KDELR3: variants seen among roughly 807,000 people sequenced by gnomAD.
KDELR3 encodes the protein ER lumen protein-retaining receptor 3.
A neutral mutation model predicts 22.7 loss-of-function variants in KDELR3; 26 were observed. The ratio of observed to expected loss-of-function variants is 1.15; its 90% confidence interval spans 0.84 to 1.59. The LOEUF is 1.59. KDELR3 is among the 40% of genes most tolerant of loss of function. The pLI, the probability that KDELR3 is intolerant of heterozygous loss-of-function variation, is 0.00. For missense variants in KDELR3, 289 were observed against 251.1 expected (o/e 1.15, Z -1.02); for synonymous variants, 120 against 98.2 (o/e 1.22, Z -1.31).
intron 2 of KDELR3, among the ~76,000 whole-genome samples, chr22:38,479,378 C>G (rs2089582329): frequency 6.6e-6 from 1 of 152,200 alleles, no homozygotes; most frequent in Non-Finnish European, 1.5e-5. Context: ...GCAGCACTGT[C>G]AGTCCCAGTA....
Position 38,473,362 on chromosome 22 carries a change from G to A in KDELR3, c.92-1161G>A, listed in dbSNP as rs150857002. Among the ~76,000 whole-genome samples the A allele has an allele frequency of 3.4e-3, 519 of 152,220 alleles. 4 individuals carry two copies. The highest frequency in any genetic ancestry group is 0.012 in the African/African-American group (482 of 41,548). On this transcript the variant is annotated intron_variant, in intron 1 of 4. Transcript: ENST00000216014. ...AGGCTGAGATAGGAGAATTGTTTGA[G>A]TCCAGGAGATAGAGGCTGCAGTGAG...
chr22:38,469,245 C>T (rs778429028), intron 1 of KDELR3, among the ~76,000 whole-genome samples: 10 of 152,178 alleles, frequency 6.6e-5, no homozygotes, highest in Non-Finnish European at 1.0e-4. Flanking sequence ...GGGCATCCCC[C>T]GGGAAGGGTG....
rs79347923 is a variant in KDELR3 at position 38,481,992 on chromosome 22, C to T, written c.605-504C>T. On this transcript the variant is annotated intron_variant, in intron 4 of 4. Transcript: ENST00000216014. ...ACAAATTCGTGTTGGGCCACAAAGCCATCCTGAGCCGCGGGTTGGACAAGC... is the reference window on the plus strand; with the variant it reads ...ACAAATTCGTGTTGGGCCACAAAGCTATCCTGAGCCGCGGGTTGGACAAGC... Among the ~76,000 whole-genome samples the T allele has an allele frequency of 4.8e-3, 731 of 152,312 alleles. 6 individuals carry two copies. Among genetic ancestry groups the T allele is most frequent in the African/African-American group, 0.017 (710 of 41,570 alleles).
At chr22:38,476,826 CCCT>C (rs1210034788) in intron 2 of KDELR3, among the ~76,000 whole-genome samples, 3 of 149,720 alleles carry the variant, frequency 2.0e-5, no homozygotes, top group Non-Finnish European at 4.4e-5. Flanking sequence ...ACCTGGCCCC[CCCT>C]TTTTTTTTTT....
chr22:38,478,672 C>T (rs1365314266), intron 2 of KDELR3, among the ~76,000 whole-genome samples: 3 of 78,854 alleles, frequency 3.8e-5, no homozygotes, highest in African/African-American at 1.5e-4. Flanking sequence ...GACAGAGTCT[C>T]ACTCTTATCC....
chr22:38,478,974 G>T (rs71319006), intron 2 of KDELR3, among the ~76,000 whole-genome samples: 1 of 152,026 alleles, frequency 6.6e-6, no homozygotes, highest in African/African-American at 2.4e-5. Context: ...ACTCATTTGA[G>T]AAGTGCTGGC....
intron 1 of KDELR3, among the ~76,000 whole-genome samples, chr22:38,472,209 G>A (rs940375095): frequency 1.1e-4 from 16 of 152,122 alleles, no homozygotes; most frequent in African/African-American, 3.4e-4. Context: ...CGGGCACAGT[G>A]GCTTACGCCT....
intron 4 of KDELR3, chr22:38,481,776 A>C (rs1364756977): frequency 1.5e-6 from 1 of 680,186 alleles, no homozygotes; most frequent in East Asian, 4.2e-5. Flanking sequence ...ATGGACAAAA[A>C]GCCTAGTGGG....
chr22:38,470,358 G>A (rs985234487), intron 1 of KDELR3, among the ~76,000 whole-genome samples: 6 of 151,818 alleles, frequency 4.0e-5, no homozygotes, highest in African/African-American at 1.4e-4. Flanking sequence ...TCCTGGGCTC[G>A]AGTCACAGGT....
chr22:38,479,645 T>G lies in KDELR3; in HGVS notation c.245T>G (p.Phe82Cys). Reference sequence around the variant, plus strand: ...ACAGTGTACATGATATATGGGAAATTCCGTAAAACTTTTGACAGTGAGAAT... The same window carrying G: ...ACAGTGTACATGATATATGGGAAATGCCGTAAAACTTTTGACAGTGAGAAT... ...YVTVYMIYGK[F>C]RKTFDSENDT... The change falls in exon 3 of 5, where the codon TTC (phenylalanine) becomes TGC (cysteine). Residue 82 changes from phenylalanine (F) to cysteine (C), a missense_variant. By Grantham distance (205) the Phe-to-Cys change is radical (BLOSUM62 -2). Coordinates refer to ENST00000216014, the MANE Select transcript of KDELR3 (RefSeq NM_006855.4). 1 of 1,614,072 alleles carries G rather than the reference T, an allele frequency of 6.2e-7. No homozygotes were observed. The highest frequency in any genetic ancestry group is 8.5e-7 in the Non-Finnish European group (1 of 1,179,932).
At chr22:38,481,743 A>C (rs2089603563) in intron 4 of KDELR3, 2 of 1,046,964 alleles carry the variant, frequency 1.9e-6, no homozygotes, top group South Asian at 3.6e-5. Flanking sequence ...TACAAGCCCC[A>C]AGGCAACCAC....
rs763062119 is a variant in KDELR3, at chr22:38,482,569, C to G, written c.*33C>G. The G allele has an allele frequency of 2.6e-6, 4 of 1,565,390 alleles. No homozygotes were observed. In the Admixed American group the frequency reaches 5.1e-5, roughly 20 times the overall value. On this transcript the variant is annotated 3_prime_UTR_variant, in exon 5 of 5. Coordinates refer to ENST00000216014, the MANE Select transcript of KDELR3 (RefSeq NM_006855.4). ...CAGAGACAGTCTACGCCTTAACAAG[C>G]ACATGAAGGAAACTATTTTGAATGT... is the stretch of plus-strand genomic sequence containing the variant.
intron 1 of KDELR3, among the ~76,000 whole-genome samples, chr22:38,469,385 AGGGGCCTGGAAG>A (rs2089509727): frequency 6.6e-6 from 1 of 152,264 alleles, no homozygotes; most frequent in East Asian, 1.9e-4. Flanking sequence ...GGAGCCGGGA[AGGGGCCTGGAAG>A]GGGGCCTGAA....
intron 2 of KDELR3, among the ~76,000 whole-genome samples, chr22:38,478,808 A>G (rs1403892147): frequency 6.6e-6 from 1 of 150,806 alleles, no homozygotes; most frequent in Non-Finnish European, 1.5e-5. Context: ...ATGCCTGGCT[A>G]GTTTTTTTAT....
intron 3 of KDELR3, 124 bp from the exon 4 acceptor site, chr22:38,481,088 T>C: frequency 1.2e-6 from 1 of 813,930 alleles, no homozygotes; most frequent in Non-Finnish European, 2.0e-6. Flanking sequence ...ATAATTTTTA[T>C]TGAGAACTTT....
At chr22:38,473,417 G>A (rs1439152085) in intron 1 of KDELR3, among the ~76,000 whole-genome samples, 1 of 151,772 alleles carries the variant, frequency 6.6e-6, no homozygotes, top group African/African-American at 2.4e-5. Flanking sequence ...CCCCAGCCTG[G>A]GAGACAGAGT....
intron 2 of KDELR3, among the ~76,000 whole-genome samples, chr22:38,476,011 C>G (rs1953338193): frequency 6.6e-6 from 1 of 152,164 alleles, no homozygotes; most frequent in African/African-American, 2.4e-5. Context: ...TGGCTCACTG[C>G]CTCAACTTCC....
Position 38,482,507 on chromosome 22 carries a change from A to G in KDELR3, c.616A>G (p.Lys206Glu). The G allele has an allele frequency of 6.2e-7, 1 of 1,612,858 alleles. No homozygotes were observed. The highest frequency in any genetic ancestry group is 8.5e-7 in the Non-Finnish European group (1 of 1,178,772). Residue 206 changes from lysine (K) to glutamate (E), a missense_variant, in exon 5 of 5, where the codon AAG becomes GAG. Transcript: ENST00000216014. ...YLYVTKVLKG[K>E]KLSLPMPI is the part of the protein sequence containing the mutation. Reference sequence around the variant, plus strand: ...CCATTTTCTTCCAGTCCTTAAGGGAAAGAAGTTAAGTCTTCCAATGCCAAT... The same window carrying G: ...CCATTTTCTTCCAGTCCTTAAGGGAGAGAAGTTAAGTCTTCCAATGCCAAT...
chr22:38,474,931 T>G (rs1309624074), intron 2 of KDELR3, among the ~76,000 whole-genome samples: 1 of 151,360 alleles, frequency 6.6e-6, no homozygotes, highest in Non-Finnish European at 1.5e-5. Flanking sequence ...ATACAAAAAA[T>G]TAGCCGGGCG....
Sources: allele counts gnomAD v4.1 joint callset (sites outside exome capture counted in the v4.1 genomes callset), GRCh38; gene constraint gnomAD v4.1.1; transcripts MANE v1.5; gene names NCBI Gene and HGNC (gene_info 2026-07-23, HGNC 2026-07-21).